Variants in CABLES1 observed in about 807,000 individuals in gnomAD.
CABLES1 encodes CDK5 and ABL1 enzyme substrate 1.
A neutral mutation model predicts 57.8 loss-of-function variants in CABLES1; 36 were observed. The observed-to-expected ratio is 0.62, with a 90% CI of 0.48 to 0.82. The LOEUF (loss-of-function observed/expected upper bound fraction) is 0.82. Ranked by LOEUF, CABLES1 falls within the 40% of genes least tolerant of loss-of-function variation. CABLES1 has a pLI of 0.00. For synonymous variants in CABLES1, 374 were observed against 363.0 expected (o/e 1.03, Z -0.35); for missense variants, 767 against 836.6 (o/e 0.92, Z 1.03).
At chr18:23,140,124 G>A (rs1283304143) in intron 1 of CABLES1, among the ~76,000 whole-genome samples, 3 of 152,192 alleles carry the variant, frequency 2.0e-5, no homozygotes, top group Non-Finnish European at 4.4e-5. Flanking sequence ...GTCAGAGGTG[G>A]GAAACCAAGA....
chr18:23,188,208 G>A (rs2047216610), intron 1 of CABLES1, among the ~76,000 whole-genome samples: 1 of 152,158 alleles, frequency 6.6e-6, no homozygotes, highest in Non-Finnish European at 1.5e-5. Flanking sequence ...TTAGCAGGCA[G>A]TTTGCAATTC....
intron 4 of CABLES1, among the ~76,000 whole-genome samples, chr18:23,221,118 A>G (rs2047483848): frequency 6.6e-6 from 1 of 152,222 alleles, no homozygotes; most frequent in African/African-American, 2.4e-5. Flanking sequence ...GATACCATAC[A>G]TGAAGAACGC....
chr18:23,250,991 G>C (rs1285851721), intron 7 of CABLES1, among the ~76,000 whole-genome samples: 1 of 152,192 alleles, frequency 6.6e-6, no homozygotes, highest in Non-Finnish European at 1.5e-5. Context: ...ACATGTCTGT[G>C]CTAAAATCCT....
chr18:23,235,788 A>T, intron 5 of CABLES1, 107 bp from the exon 6 acceptor site: 4 of 1,120,412 alleles, frequency 3.6e-6, no homozygotes, highest in Non-Finnish European at 3.9e-6. Flanking sequence ...AATTGCAAAT[A>T]GGAGAAAGTG....
chr18:23,221,487 G>A (rs753161095), intron 4 of CABLES1, among the ~76,000 whole-genome samples: 2 of 152,164 alleles, frequency 1.3e-5, no homozygotes, highest in African/African-American at 4.8e-5. Flanking sequence ...GTTGGGGTGT[G>A]GGGCTGTGGT....
At chr18:23,196,094 G>T (rs2047280572) in intron 3 of CABLES1, among the ~76,000 whole-genome samples, 1 of 152,150 alleles carries the variant, frequency 6.6e-6, no homozygotes, top group Non-Finnish European at 1.5e-5. Context: ...GTTAATAAAA[G>T]ACTTGGATTA....
chr18:23,242,805 T>G (rs1347809400), intron 7 of CABLES1, among the ~76,000 whole-genome samples: 1 of 152,178 alleles, frequency 6.6e-6, no homozygotes, highest in East Asian at 1.9e-4. Context: ...TACCGAATAT[T>G]AAAATCTAAG....
intron 1 of CABLES1, among the ~76,000 whole-genome samples, chr18:23,163,019 G>A (rs894358357): frequency 2.6e-5 from 4 of 152,194 alleles, no homozygotes; most frequent in Non-Finnish European, 5.9e-5. Flanking sequence ...GGGCAGGTAT[G>A]TGAAGGATTA....
chr18:23,160,568 C>T (rs965788881), intron 1 of CABLES1, among the ~76,000 whole-genome samples: 9 of 152,194 alleles, frequency 5.9e-5, no homozygotes, highest in African/African-American at 2.2e-4. Context: ...GTTATTACAG[C>T]AGAAAGCCTG....
At chr18:23,237,736 GTTT>G (rs796808400) in intron 7 of CABLES1, among the ~76,000 whole-genome samples, 16 of 152,382 alleles carry the variant, frequency 1.0e-4, no homozygotes, top group African/African-American at 3.8e-4. Context: ...TTTCTCTGCT[GTTT>G]TTATTTCATG....
chr18:23,211,378 A>C (rs2047403532), intron 3 of CABLES1, among the ~76,000 whole-genome samples: 1 of 152,164 alleles, frequency 6.6e-6, no homozygotes, highest in East Asian at 1.9e-4. Flanking sequence ...TGTCCTGGGT[A>C]AATGGCAGGG....
rs749450484 is a variant in CABLES1 at position 23,257,319 on chromosome 18, C to G, written c.1854C>G (p.Pro618=). 1.9e-6 allele frequency: 3 copies of G among 1,613,814 alleles called. No homozygotes were observed. The highest frequency in any genetic ancestry group is 2.5e-6 in the Non-Finnish European group (3 of 1,179,968). Residue 618 remains proline, a synonymous_variant, in exon 10 of 10, where the codon CCC becomes CCG. Coordinates refer to ENST00000256925, the MANE Select transcript of CABLES1 (RefSeq NM_001100619.3). ...CCTTGGAATTCGCCCTCCACTTGCC[C>G]GAGCACGAAGTCATGCCCCACTACA... The part of the protein sequence containing the change: ...LVALEFALHL[P]EHEVMPHYRR...
chr18:23,242,705 G>C (rs1424150586), intron 7 of CABLES1, among the ~76,000 whole-genome samples: 10 of 150,048 alleles, frequency 6.7e-5, no homozygotes. Flanking sequence ...AAAGAAAACC[G>C]ACTAACATTG....
intron 1 of CABLES1, chr18:23,156,095 C>G: frequency 1.1e-6 from 1 of 941,508 alleles, no homozygotes; most frequent in Non-Finnish European, 1.6e-6. Context: ...CTGATGTGGG[C>G]CAGCAGCGGG....
intron 3 of CABLES1, among the ~76,000 whole-genome samples, chr18:23,209,654 A>C (rs1467108375): frequency 6.6e-6 from 1 of 152,138 alleles, no homozygotes; most frequent in African/African-American, 2.4e-5. Flanking sequence ...TCATGTCCTT[A>C]AGAGAATATT....
chr18:23,223,717 C>A (rs552887050), intron 4 of CABLES1, among the ~76,000 whole-genome samples: 1 of 152,030 alleles, frequency 6.6e-6, no homozygotes, highest in Non-Finnish European at 1.5e-5. Flanking sequence ...GCATCCTCTC[C>A]GCCACCACCC....
chr18:23,246,099 A>C (rs1187641039), intron 7 of CABLES1, among the ~76,000 whole-genome samples: 1 of 152,088 alleles, frequency 6.6e-6, no homozygotes, highest in Non-Finnish European at 1.5e-5. Flanking sequence ...CCCTGTCTCT[A>C]CTAAAAATGC....
chr18:23,192,847 G>A lies in CABLES1; in HGVS notation c.918-1601G>A, dbSNP rs561586457. ...TTGGAGTTCTGGGTCTGCTCTCAGA[G>A]AGCAAAAGGCAGAGTGAGGCCCTAT... On this transcript the variant is annotated intron_variant, in intron 2 of 9. Transcript: ENST00000256925. Among the ~76,000 whole-genome samples the A allele has an allele frequency of 1.6e-4, 24 of 152,268 alleles. 1 individual carries two copies. The South Asian group carries it at 3.5e-3, about 22-fold the overall frequency.
chr18:23,173,056 G>A (rs769659752), intron 1 of CABLES1, among the ~76,000 whole-genome samples: 2 of 152,162 alleles, frequency 1.3e-5, no homozygotes, highest in African/African-American at 4.8e-5. Flanking sequence ...AGCTCCAAAC[G>A]GCACCTTGAT....
Sources: allele counts gnomAD v4.1 joint callset (sites outside exome capture counted in the v4.1 genomes callset), GRCh38; gene constraint gnomAD v4.1.1; transcripts MANE v1.5; gene names NCBI Gene and HGNC (gene_info 2026-07-23, HGNC 2026-07-21).